The following HS3ST4 variants were observed in gnomAD, a reference collection of about 807,000 sequenced individuals.
HS3ST4 encodes the protein heparan sulfate glucosamine 3-O-sulfotransferase 4.
In HS3ST4, 17 loss-of-function variants were observed where a neutral mutation model predicts 29.2. The ratio of observed to expected loss-of-function variants is 0.58; its 90% CI spans 0.40 to 0.87. HS3ST4 has a LOEUF of 0.87. HS3ST4 is among the 40% of genes least tolerant of loss of function. HS3ST4 has a pLI of 0.00. For missense variants in HS3ST4, 627 were observed against 634.5 expected (o/e 0.99, Z 0.13); for synonymous variants, 314 against 285.7 (o/e 1.10, Z -1.00).
chr16:25,873,610 A>C (rs1967791786), intron 1 of HS3ST4, among the ~76,000 whole-genome samples: 1 of 149,676 alleles, frequency 6.7e-6, no homozygotes, highest in South Asian at 2.1e-4. Context: ...CCATCCATCC[A>C]CCCATCAATC....
intron 1 of HS3ST4, among the ~76,000 whole-genome samples, chr16:25,976,920 G>A (rs967518999): frequency 2.5e-5 from 1 of 39,846 alleles, no homozygotes; most frequent in Admixed American, 3.9e-4. Context: ...TAAATTGCAT[G>A]TAATTTTCAC....
chr16:25,759,960 C>A (rs1384597664), intron 1 of HS3ST4, among the ~76,000 whole-genome samples: 7 of 151,872 alleles, frequency 4.6e-5, no homozygotes, highest in African/African-American at 1.7e-4. Flanking sequence ...AGGAGTAAAA[C>A]CCTGTGAAAT....
rs548362497 is a variant in HS3ST4 at position 26,086,584 on chromosome 16, C to T, written c.735-49028C>T. ...CAGGATGGTCTTGATCTCCCGACCT[C>T]GTGATCCGCCTGCCTCGGCCTCCCA... On this transcript the variant is annotated intron_variant, in intron 1 of 1. Transcript: ENST00000331351. Among the ~76,000 whole-genome samples, 473 of 152,170 alleles carry T rather than the reference C, an allele frequency of 3.1e-3. 3 individuals carry two copies. The highest frequency in any genetic ancestry group is 0.011 in the African/African-American group (459 of 41,512).
At chr16:25,944,083 G>C (rs1968601125) in intron 1 of HS3ST4, among the ~76,000 whole-genome samples, 1 of 151,988 alleles carries the variant, frequency 6.6e-6, no homozygotes, top group South Asian at 2.1e-4. Flanking sequence ...CTTGTCCCTA[G>C]TTGCTGATCC....
rs566559233 is a variant in HS3ST4, at chr16:25,949,249, C to A, written c.735-186363C>A. ...ACTCTTTAAGTTATTTTAAAATGTACAATTCATTTATCATGACTATAGTCA... is the reference window on the plus strand; with the variant it reads ...ACTCTTTAAGTTATTTTAAAATGTAAAATTCATTTATCATGACTATAGTCA... On this transcript the variant is annotated intron_variant, in intron 1 of 1. Coordinates refer to ENST00000331351, the MANE Select transcript of HS3ST4 (RefSeq NM_006040.3). 5.3e-5 allele frequency among the ~76,000 whole-genome samples: 8 copies of A among 152,198 alleles called. No individual in the cohort carries two copies. The East Asian group carries it at 1.4e-3, about 26-fold the overall frequency.
chr16:25,998,961 T>A (rs1265825659), intron 1 of HS3ST4, among the ~76,000 whole-genome samples: 1 of 152,200 alleles, frequency 6.6e-6, no homozygotes, highest in Non-Finnish European at 1.5e-5. Context: ...TTTGATAGAA[T>A]TCACTTCTGA....
intron 1 of HS3ST4, among the ~76,000 whole-genome samples, chr16:26,048,852 T>G (rs1567301557): frequency 6.6e-6 from 1 of 151,942 alleles, no homozygotes; most frequent in African/African-American, 2.4e-5. Flanking sequence ...AAAATAACAT[T>G]GAATCTCGCA....
chr16:25,906,938 T>A (rs1968185676), intron 1 of HS3ST4, among the ~76,000 whole-genome samples: 1 of 152,186 alleles, frequency 6.6e-6, no homozygotes, highest in Non-Finnish European at 1.5e-5. Context: ...CTCACACCTG[T>A]AATCCTAGTG....
intron 1 of HS3ST4, among the ~76,000 whole-genome samples, chr16:26,001,420 CA>C (rs1355576350): frequency 1.3e-5 from 2 of 151,908 alleles, no homozygotes; most frequent in Admixed American, 6.6e-5. Flanking sequence ...AAAACATATA[CA>C]GGGTTTTTTT....
chr16:25,822,644 C>G (rs1967171418), intron 1 of HS3ST4, among the ~76,000 whole-genome samples: 1 of 152,052 alleles, frequency 6.6e-6, no homozygotes, highest in South Asian at 2.1e-4. Flanking sequence ...TCTTCAGGTC[C>G]CTGATAGTGT....
chr16:25,966,643 G>C (rs1968845824), intron 1 of HS3ST4, among the ~76,000 whole-genome samples: 1 of 152,170 alleles, frequency 6.6e-6, no homozygotes. Context: ...TCATCTCAAA[G>C]TTTCACTTTG....
At chr16:25,694,321 A>G (rs1158671919) in intron 1 of HS3ST4, among the ~76,000 whole-genome samples, 1 of 152,242 alleles carries the variant, frequency 6.6e-6, no homozygotes, top group Non-Finnish European at 1.5e-5. Flanking sequence ...AACTTAACTG[A>G]AGAAATACAT....
chr16:26,119,158 A>G (rs1192794838), intron 1 of HS3ST4, among the ~76,000 whole-genome samples: 2 of 152,172 alleles, frequency 1.3e-5, no homozygotes, highest in East Asian at 1.9e-4. Context: ...GAGCCCAAAC[A>G]TCCCACACTA....
chr16:25,992,920 A>G (rs1316173437), intron 1 of HS3ST4, among the ~76,000 whole-genome samples: 2 of 152,178 alleles, frequency 1.3e-5, no homozygotes, highest in Non-Finnish European at 1.5e-5. Context: ...TGCCACCAGG[A>G]CATGATTGTT....
At chr16:25,808,550 A>G (rs1967011305) in intron 1 of HS3ST4, among the ~76,000 whole-genome samples, 1 of 151,748 alleles carries the variant, frequency 6.6e-6, no homozygotes, top group Admixed American at 6.6e-5. Flanking sequence ...TGAATGGATT[A>G]CTCTCCTTTT....
chr16:25,740,111 C>A (rs1372402400), intron 1 of HS3ST4, among the ~76,000 whole-genome samples: 2 of 151,996 alleles, frequency 1.3e-5, no homozygotes, highest in African/African-American at 2.4e-5. Context: ...CATCTGCATC[C>A]AGGATTTGAA....
intron 1 of HS3ST4, among the ~76,000 whole-genome samples, chr16:25,899,715 T>C (rs999700639): frequency 7.9e-5 from 12 of 151,790 alleles, no homozygotes; most frequent in African/African-American, 2.7e-4. Flanking sequence ...GGCTTCACCA[T>C]GTTGATCAGG....
At chr16:25,860,023 C>T (rs1483800203) in intron 1 of HS3ST4, among the ~76,000 whole-genome samples, 3 of 152,122 alleles carry the variant, frequency 2.0e-5, no homozygotes, top group Non-Finnish European at 4.4e-5. Flanking sequence ...ACTGTGCATG[C>T]GAGGGATCTA....
At chr16:26,076,836 T>C (rs1898670020) in intron 1 of HS3ST4, among the ~76,000 whole-genome samples, 1 of 152,204 alleles carries the variant, frequency 6.6e-6, no homozygotes, top group African/African-American at 2.4e-5. Flanking sequence ...TTCATGCACA[T>C]TTTCTTTCAG....
Sources: gnomAD v4.1 joint callset for allele counts (sites outside exome capture counted in the v4.1 genomes callset) on GRCh38, gnomAD v4.1.1 for gene constraint, MANE v1.5 for transcripts, NCBI Gene and HGNC (gene_info 2026-07-23, HGNC 2026-07-21) for gene names.